Variants in DDX31 observed in about 807,000 individuals in gnomAD.
DDX31 encodes DEAD-box helicase 31.
Under a neutral mutation model 91.3 loss-of-function variants are expected in DDX31, and 70 were observed. The observed-to-expected ratio is 0.77, with a 90% CI of 0.63 to 0.94. DDX31 has a LOEUF of 0.94. DDX31 is among the 40% of genes least tolerant of loss of function. The pLI is 0.00. For missense variants in DDX31, 902 were observed against 925.0 expected (o/e 0.98, Z 0.32); for synonymous variants, 362 against 350.6 (o/e 1.03, Z -0.36).
intron 14 of DDX31, among the ~76,000 whole-genome samples, chr9:132,632,864 C>T (rs1832881307): frequency 6.6e-6 from 1 of 152,138 alleles, no homozygotes; most frequent in South Asian, 2.1e-4. Flanking sequence ...AGTCACCACC[C>T]AAAGAGCAAA....
intron 16 of DDX31, among the ~76,000 whole-genome samples, chr9:132,627,242 A>C (rs920598934): frequency 6.6e-6 from 1 of 152,242 alleles, no homozygotes; most frequent in Admixed American, 6.5e-5. Flanking sequence ...ACAGTAAGGC[A>C]GTGTTCTCAA....
In DDX31 at chr9:132,642,040, T is replaced by C. The variant is rs750133212; in HGVS notation, c.1404A>G (p.Glu468=). Residue 468 remains glutamate, a synonymous_variant, in exon 14 of 20, where the codon GAA becomes GAG. Transcript: ENST00000372159. ...EQEERTAVFQ[E]FSHSRRGVLL... is the part of the protein sequence containing the mutation. Reference sequence around the variant, plus strand: ...GGACGCCTCTTCTGGAATGTGAAAATTCCTGAAACACTGCTGTTCTTTCCT... The same window carrying C: ...GGACGCCTCTTCTGGAATGTGAAAACTCCTGAAACACTGCTGTTCTTTCCT... 1.9e-6 allele frequency: 3 copies of C among 1,614,140 alleles called. No individual in the cohort carries two copies. The highest frequency in any genetic ancestry group is 2.5e-6 in the Non-Finnish European group (3 of 1,180,008).
intron 14 of DDX31, among the ~76,000 whole-genome samples, chr9:132,633,041 C>CGCTGAG (rs1832892867): frequency 6.6e-6 from 1 of 152,190 alleles, no homozygotes; most frequent in Admixed American, 6.5e-5. Context: ...CCACACACTG[C>CGCTGAG]GCTGAGACCT....
At chr9:132,610,835 C>T (rs538165986) in intron 19 of DDX31, among the ~76,000 whole-genome samples, 1 of 152,102 alleles carries the variant, frequency 6.6e-6, no homozygotes, top group Non-Finnish European at 1.5e-5. Flanking sequence ...GATCGAGGCT[C>T]GGAGACGTTA....
At position 132,593,017 on chromosome 9, in the gene DDX31, T is replaced by C. The variant is rs1830267974; in HGVS notation, c.*1849A>G. 1 of 152,228 alleles carries C rather than the reference T, an allele frequency of 6.6e-6. No individual in the cohort carries two copies. Among genetic ancestry groups the C allele is most frequent in the Non-Finnish European group, 1.5e-5 (1 of 68,040 alleles). 9.4% of individuals were successfully genotyped at this position (152,228 alleles called of 1,614,324 possible). A position where few individuals can be genotyped will look rare whatever the true frequency, so the allele number is the denominator to read the frequency against. On this transcript the variant is annotated 3_prime_UTR_variant, in exon 20 of 20. Transcript: ENST00000372159. ...CATAATAGAAGAGAAAGAGATTTATTTTAAGGTTATTTAAATTTAAACAAT... is the reference window on the plus strand; with the variant it reads ...CATAATAGAAGAGAAAGAGATTTATCTTAAGGTTATTTAAATTTAAACAAT...
intron 17 of DDX31, among the ~76,000 whole-genome samples, chr9:132,623,862 GA>G (rs1384061777): frequency 3.9e-5 from 6 of 151,930 alleles, no homozygotes; most frequent in African/African-American, 1.5e-4. Context: ...GTATCTGGGG[GA>G]ACATTAAAAA....
intron 17 of DDX31, among the ~76,000 whole-genome samples, chr9:132,619,777 ATT>A (rs113789940): frequency 1.4e-5 from 2 of 142,446 alleles, no homozygotes; most frequent in Non-Finnish European, 1.5e-5. Flanking sequence ...ATTAACAAGG[ATT>A]TTTTTTTTTT....
At chr9:132,603,895 C>T (rs1830860325) in intron 19 of DDX31, among the ~76,000 whole-genome samples, 1 of 152,062 alleles carries the variant, frequency 6.6e-6, no homozygotes, top group African/African-American at 2.4e-5. Flanking sequence ...GCCTCATTAG[C>T]AGGGTGGGGA....
At chr9:132,638,099 A>AGCCAAGGAGGAT in intron 14 of DDX31, 1 of 1,321,550 alleles carries the variant, frequency 7.6e-7, no homozygotes, top group Non-Finnish European at 9.7e-7. Flanking sequence ...CGCGCCGGAC[A>AGCCAAGGAGGAT]GCCAAGGAGG....
At position 132,593,506 on chromosome 9, in the gene DDX31, C is replaced by G. The variant is rs181237020; in HGVS notation, c.*1360G>C. 6.6e-6 allele frequency: 1 copy of G among 152,162 alleles called. No homozygotes were observed. Among genetic ancestry groups the G allele is most frequent in the Non-Finnish European group, 1.5e-5 (1 of 68,026 alleles). The allele number at this position is 152,162 out of a possible 1,614,324, so 9.4% of individuals were successfully genotyped here. A position where few individuals can be genotyped will look rare whatever the true frequency, so the allele number is the denominator to read the frequency against. Reference sequence around the variant, plus strand: ...GTTTTTTAATTATTATTGTTAGAAACGTCACCCACAGTCCCTGTTAATTTG... The same window carrying G: ...GTTTTTTAATTATTATTGTTAGAAAGGTCACCCACAGTCCCTGTTAATTTG... On this transcript the variant is annotated 3_prime_UTR_variant, in exon 20 of 20. Coordinates refer to ENST00000372159, the MANE Select transcript of DDX31 (RefSeq NM_022779.9).
intron 19 of DDX31, among the ~76,000 whole-genome samples, chr9:132,609,612 ATG>A (rs1831211320): frequency 1.3e-5 from 2 of 151,952 alleles, no homozygotes; most frequent in African/African-American, 4.8e-5. Flanking sequence ...ATAAACAAAG[ATG>A]TGTGTTTCTT....
intron 17 of DDX31, among the ~76,000 whole-genome samples, chr9:132,625,232 T>C (rs1393377897): frequency 1.3e-5 from 2 of 152,114 alleles, no homozygotes; most frequent in Admixed American, 1.3e-4. Context: ...CACACACACA[T>C]TAAAAAATGG....
chr9:132,648,377 G>A (rs888389193), intron 10 of DDX31, 55 bp downstream of exon 10: 1 of 1,606,432 alleles, frequency 6.2e-7, no homozygotes, highest in Non-Finnish European at 8.5e-7. Context: ...TTGCAACAAG[G>A]AGAGGAGAAA....
chr9:132,660,980 C>T (rs899218673), intron 4 of DDX31: 9 of 513,548 alleles, frequency 1.8e-5, no homozygotes, highest in Non-Finnish European at 2.0e-5. Context: ...CTGGATGAGA[C>T]GTCTCTTGCG....
rs762503867 is a variant in DDX31 at position 132,661,204 on chromosome 9, T to C, written c.452+4A>G. 6.2e-7 allele frequency: 1 copy of C among 1,610,660 alleles called. No homozygotes were observed. The highest frequency in any genetic ancestry group is 8.5e-7 in the Non-Finnish European group (1 of 1,177,618). ...AGAAATCAAGAGGAGCCTGAAGTTC[T>C]TACCTGGTCATACTAGACATTTTTA... On this transcript the variant is annotated splice_donor_region_variant and intron_variant, in intron 4 of 19. Transcript: ENST00000372159.
chr9:132,603,787 C>T (rs886225415), intron 19 of DDX31, among the ~76,000 whole-genome samples: 1 of 152,142 alleles, frequency 6.6e-6, no homozygotes, highest in Non-Finnish European at 1.5e-5. Flanking sequence ...TTGTTGTCAG[C>T]CCTGACTGCA....
intron 5 of DDX31, 99 bp downstream of exon 5, chr9:132,659,611 A>G: frequency 8.2e-7 from 1 of 1,221,998 alleles, no homozygotes; most frequent in Non-Finnish European, 1.2e-6. Flanking sequence ...AACGAAACAA[A>G]ACTGCCACCA....
chr9:132,665,081 T>C (rs1000530337), intron 1 of DDX31, among the ~76,000 whole-genome samples: 3 of 152,198 alleles, frequency 2.0e-5, no homozygotes, highest in African/African-American at 7.2e-5. Flanking sequence ...ACGGAACTCG[T>C]TGTTTTATGT....
chr9:132,640,430 G>C (rs534503994), intron 14 of DDX31, among the ~76,000 whole-genome samples: 1 of 152,150 alleles, frequency 6.6e-6, no homozygotes. Flanking sequence ...GGTGAAAAGA[G>C]ACAAATAGGG....
Sources: gnomAD v4.1 joint callset for allele counts (sites outside exome capture counted in the v4.1 genomes callset) on GRCh38, gnomAD v4.1.1 for gene constraint, MANE v1.5 for transcripts, NCBI Gene and HGNC (gene_info 2026-07-23, HGNC 2026-07-21) for gene names.